The following FLCN variants were observed in gnomAD, a reference collection of about 807,000 sequenced individuals.
FLCN encodes the protein BHD skin lesion fibrofolliculoma protein.
Under a neutral mutation model 62.5 loss-of-function variants are expected in FLCN, and 22 were observed. That is an observed-to-expected ratio of 0.35 (90% CI 0.25 to 0.50). The LOEUF (loss-of-function observed/expected upper bound fraction) is 0.50, where lower values mean the gene tolerates loss of function less well. Ranked by LOEUF, FLCN falls within the 20% of genes least tolerant of loss-of-function variation. The pLI is 0.97. For synonymous variants in FLCN, 319 were observed against 310.0 expected (o/e 1.03, Z -0.30); for missense variants, 657 against 778.0 (o/e 0.84, Z 1.85).
In FLCN at chr17:17,215,268, T is replaced by C; in HGVS notation, c.1349A>G (p.His450Arg). 1 of 1,614,018 alleles carries C rather than the reference T, an allele frequency of 6.2e-7. No individual in the cohort carries two copies. Reference protein sequence around the residue: ...EVHAAARSTLHPVGCEDDQSL... With the variant: ...EVHAAARSTLRPVGCEDDQSL... ...CTGGTCATCCTCACACCCCACAGGG[T>C]GGAGGGTGGAACGTGCGGCTGCGTG... The change falls in exon 12 of 14, where the codon CAC becomes CGC. Residue 450 changes from histidine (H) to arginine (R), a missense_variant. His to Arg is a conservative substitution (Grantham distance 29, BLOSUM62 0). Coordinates refer to ENST00000285071, the MANE Select transcript of FLCN (RefSeq NM_144997.7).
In FLCN at chr17:17,221,583, T is replaced by C. The variant is rs769758699; in HGVS notation, c.825A>G (p.Glu275=). The change falls in exon 8 of 14, where the codon GAA becomes GAG. Residue 275 remains glutamate (E), a synonymous_variant. Transcript: ENST00000285071. ...CGSRLTEKLL[E]GAPTEDTLVQ... is the part of the protein sequence containing the mutation. The stretch of plus-strand genomic sequence containing the variant: ...CCAAGGTATCCTCGGTCGGAGCACC[T>C]TCCAGGAGCTTCTCGGTCAGCCGGC... 1.1e-5 allele frequency: 17 copies of C among 1,611,178 alleles called. No homozygotes were observed. The South Asian group carries it at 1.8e-4, about 17-fold the overall frequency.
rs751013842 is a variant in FLCN at position 17,216,414 on chromosome 17, C to T, written c.1266G>A (p.Pro422=). The part of the protein sequence containing the change: ...AYRCNFLGLS[P]HVQIPPHVLS... ...GCACGTGGGGGGGGATCTGCACGTG[C>T]GGGCTGAGCCCCAGGAAGTTGCACC... Residue 422 remains proline (P), a synonymous_variant, in exon 11 of 14, where the codon CCG becomes CCA. Transcript: ENST00000285071. The surrounding 1 kb of genome is among the most constrained non-coding windows in gnomAD (Gnocchi z 4.0). The T allele has an allele frequency of 1.1e-5, 17 of 1,613,504 alleles. No individual in the cohort carries two copies. The highest frequency in any genetic ancestry group is 5.0e-5 in the Admixed American group (3 of 59,952).
chr17:17,214,454 CA>C (rs2046847181), intron 13 of FLCN, among the ~76,000 whole-genome samples: 1 of 151,940 alleles, frequency 6.6e-6, no homozygotes. Flanking sequence ...ATTAGCCAGG[CA>C]TGGTGGTGGG....
intron 3 of FLCN, chr17:17,229,480 G>A (rs980225958): frequency 6.7e-6 from 1 of 148,232 alleles, no homozygotes; most frequent in Non-Finnish European, 1.5e-5. Flanking sequence ...CACTTAAATA[G>A]GAGGTACCTA....
intron 5 of FLCN, 173 bp downstream of exon 5, chr17:17,226,003 C>A: frequency 3.3e-6 from 3 of 904,814 alleles, no homozygotes; most frequent in Non-Finnish European, 5.4e-6. Context: ...TGACTCCTCC[C>A]GCAATTCTGG....
chr17:17,219,866 G>A (rs974487095), intron 8 of FLCN: 3 of 153,418 alleles, frequency 2.0e-5, no homozygotes, highest in African/African-American at 7.2e-5. Flanking sequence ...GGGCGTACGT[G>A]TGCGGCTTTG....
chr17:17,222,077 C>G (rs963000435), intron 7 of FLCN, among the ~76,000 whole-genome samples: 6 of 151,024 alleles, frequency 4.0e-5, no homozygotes, highest in African/African-American at 1.5e-4. Flanking sequence ...TGGCTCACAC[C>G]TGTAATCCCA....
At chr17:17,224,789 T>C (rs1736218) in intron 5 of FLCN, 87,119 of 159,326 alleles carry the variant, frequency 0.55, 24,422 homozygotes, top group East Asian at 0.84. Context: ...CTGCCGGCCT[T>C]GGCCTCCCAA....
chr17:17,230,915 G>A (rs945781337), intron 3 of FLCN, among the ~76,000 whole-genome samples: 1 of 151,904 alleles, frequency 6.6e-6, no homozygotes, highest in Non-Finnish European at 1.5e-5. Context: ...TAAATAAATA[G>A]GCTGAGTGCG....
intron 1 of FLCN, among the ~76,000 whole-genome samples, chr17:17,233,887 C>T (rs1249502342): frequency 1.3e-5 from 2 of 151,416 alleles, no homozygotes; most frequent in Non-Finnish European, 2.9e-5. Flanking sequence ...CCACACCTGG[C>T]TAATTTTTGT....
In FLCN at chr17:17,216,463, C is replaced by G. The variant is rs2046926469; in HGVS notation, c.1217G>C (p.Ser406Thr). 6.2e-7 allele frequency: 1 copy of G among 1,613,682 alleles called. No individual in the cohort carries two copies. Among genetic ancestry groups the G allele is most frequent in the Non-Finnish European group, 8.5e-7 (1 of 1,179,878 alleles). Reference protein sequence around the residue: ...PVGCVRIIPYSSQYEEAYRCN... With the variant: ...PVGCVRIIPYTSQYEEAYRCN... ...CCGATAGGCCTCCTCGTACTGGCTG[C>G]TGTATGGGATGATGCGGACGCAGCC... The change falls in exon 11 of 14, where the codon AGC becomes ACC. Residue 406 changes from serine (S) to threonine (T), a missense_variant. Transcript: ENST00000285071. This position sits in a 1 kb window ranked among gnomAD's most constrained non-coding sequence, Gnocchi z 4.0.
chr17:17,219,017 A>C lies in FLCN; in HGVS notation c.1062+2T>G, dbSNP rs886039370. On this transcript the variant is annotated splice_donor_variant, in intron 9 of 13. Coordinates refer to ENST00000285071, the MANE Select transcript of FLCN (RefSeq NM_144997.7). LOFTEE classifies it high-confidence loss of function. Reference sequence around the variant, plus strand: ...CTGATGCGCTGTGCCCCTGCCGCCTACCTGCCTCATGTGCCGGAGGGACTT... The same window carrying C: ...CTGATGCGCTGTGCCCCTGCCGCCTCCCTGCCTCATGTGCCGGAGGGACTT... The C allele has an allele frequency of 6.2e-7, 1 of 1,613,232 alleles. No homozygotes were observed. The highest frequency in any genetic ancestry group is 8.5e-7 in the Non-Finnish European group (1 of 1,179,914).
chr17:17,223,898 C>A, intron 6 of FLCN, 24 bp downstream of exon 6: 1 of 1,612,706 alleles, frequency 6.2e-7, no homozygotes, highest in South Asian at 1.1e-5. Flanking sequence ...CCCTGCCGCC[C>A]CGGCACCTCA....
intron 8 of FLCN, chr17:17,220,854 G>A (rs1567814963): frequency 8.8e-6 from 2 of 227,040 alleles, no homozygotes; most frequent in Non-Finnish European, 8.8e-6. Context: ...TTGAGGGCAC[G>A]CCTGCACCTG....
chr17:17,215,182 C>A lies in FLCN; in HGVS notation c.1432+3G>T, dbSNP rs752730139. The A allele has an allele frequency of 4.3e-6, 7 of 1,613,984 alleles. No homozygotes were observed. The African/African-American group carries it at 8.0e-5, about 18-fold the overall frequency. On this transcript the variant is annotated splice_donor_region_variant and intron_variant, in intron 12 of 13. Coordinates refer to ENST00000285071, the MANE Select transcript of FLCN (RefSeq NM_144997.7). ...AAAGGACACTCTGCCTGGGGGCACC[C>A]ACCTCGGTCTGCAGCTACAGGGCTC...
At chr17:17,235,260 A>G (rs2047549179) in intron 1 of FLCN, among the ~76,000 whole-genome samples, 1 of 152,176 alleles carries the variant, frequency 6.6e-6, no homozygotes, top group South Asian at 2.1e-4. Context: ...AGCCTGGGCA[A>G]TAAGAGTAAA....
chr17:17,217,354 G>C lies in FLCN; in HGVS notation c.1063-172C>G, dbSNP rs4985705. 354,645 of 656,626 alleles carry C rather than the reference G, an allele frequency of 0.54. 98,030 individuals carry two copies. Among genetic ancestry groups the C allele is most frequent in the East Asian group, 0.65 (23,867 of 36,654 alleles). 40.7% of individuals were successfully genotyped at this position (656,626 alleles called of 1,614,324 possible). A position where few individuals can be genotyped will look rare whatever the true frequency, so the allele number is the denominator to read the frequency against. ...TGCCCGGCCCAGGGTTAAAGGGGCA[G>C]AGAGAGAAGTTCCAGGTTTGCACAT... On this transcript the variant is annotated intron_variant, in intron 9 of 13. Transcript: ENST00000285071.
Position 17,219,002 on chromosome 17 carries a change from G to A in FLCN, c.1062+17C>T, listed in dbSNP as rs1460662046. 6.2e-7 allele frequency: 1 copy of A among 1,612,044 alleles called. No homozygotes were observed. Among genetic ancestry groups the A allele is most frequent in the African/African-American group, 1.3e-5 (1 of 74,876 alleles). On this transcript the variant is annotated intron_variant, in intron 9 of 13. Coordinates refer to ENST00000285071, the MANE Select transcript of FLCN (RefSeq NM_144997.7). ...TCTCCTCCTGAGCTCCTGATGCGCTGTGCCCCTGCCGCCTACCTGCCTCAT... is the reference window on the plus strand; with the variant it reads ...TCTCCTCCTGAGCTCCTGATGCGCTATGCCCCTGCCGCCTACCTGCCTCAT...
At position 17,215,036 on chromosome 17, in the gene FLCN, G is replaced by A. The variant is rs750535468; in HGVS notation, c.1487C>T (p.Ser496Phe). 2 of 1,614,218 alleles carry A rather than the reference G, an allele frequency of 1.2e-6. No homozygotes were observed. Among genetic ancestry groups the A allele is most frequent in the East Asian group, 4.5e-5 (2 of 44,882 alleles). Reference sequence around the variant, plus strand: ...GAGGCACTGGTCCACCACATCCACAGACAGGTTCTGGTTGGTCAGAGCCGC... The same window carrying A: ...GAGGCACTGGTCCACCACATCCACAAACAGGTTCTGGTTGGTCAGAGCCGC... The part of the protein sequence containing the change: ...IEAALTNQNL[S>F]VDVVDQCLVC... The change falls in exon 13 of 14, where the codon TCT becomes TTT. Residue 496 changes from serine (S) to phenylalanine (F), a missense_variant. Transcript: ENST00000285071.
Sources: allele counts gnomAD v4.1 joint callset (sites outside exome capture counted in the v4.1 genomes callset), GRCh38; gene constraint gnomAD v4.1.1; non-coding constraint Gnocchi (gnomAD v3.1); transcripts MANE v1.5; gene names NCBI Gene and HGNC (gene_info 2026-07-23, HGNC 2026-07-21).